ZNF782: variants seen among roughly 807,000 people sequenced by gnomAD.
ZNF782 encodes zinc finger protein 782.
A neutral mutation model predicts 13.0 loss-of-function variants in ZNF782; 12 were observed. The observed-to-expected ratio is 0.92, with a 90% CI of 0.59 to 1.50. The LOEUF (loss-of-function observed/expected upper bound fraction) is 1.50, where lower values mean the gene tolerates loss of function less well. Ranked by LOEUF, ZNF782 falls within the 40% of genes most tolerant of loss-of-function variation. The probability of loss-of-function intolerance (pLI) is 0.00; values close to 1 mark genes in which losing one functional copy is unlikely to be tolerated. For synonymous variants in ZNF782, 284 were observed against 283.0 expected, an observed-to-expected ratio of 1.00 and a Z score of -0.04; for missense variants, 770 against 822.9, an observed-to-expected ratio of 0.94 and a Z score of 0.79.
chr9:96,915,721 T>C, the ZNF782 span, among the ~76,000 whole-genome samples: 1 of 151,624 alleles, frequency 6.6e-6, no homozygotes, highest in Admixed American at 6.6e-5. Context: ...TCAGTAGTGC[T>C]CAGGGGACAT....
At chr9:96,912,272 C>CTTT in the ZNF782 span, among the ~76,000 whole-genome samples, 1 of 142,846 alleles carries the variant, frequency 7.0e-6, no homozygotes, top group African/African-American at 2.5e-5. Context: ...AATCTCAGGC[C>CTTT]TTTTTTTTTT....
intron 5 of ZNF782, among the ~76,000 whole-genome samples, chr9:96,824,105 A>G (rs1850518399): frequency 6.6e-6 from 1 of 151,796 alleles, no homozygotes; most frequent in Non-Finnish European, 1.5e-5. Context: ...CAACCAAAAA[A>G]GAGAATTTTA....
chr9:96,832,066 C>G (rs1475115261), intron 4 of ZNF782, among the ~76,000 whole-genome samples: 1 of 151,822 alleles, frequency 6.6e-6, no homozygotes, highest in African/African-American at 2.4e-5. Context: ...TTTCCCTGAT[C>G]TTCTCTCTTG....
At position 96,819,008 on chromosome 9, in the gene ZNF782, CAG is replaced by C. The variant is rs752929419; in HGVS notation, c.1013_1014del (p.Ser338Ter). 1 of 1,614,134 alleles carries C rather than the reference CAG, an allele frequency of 6.2e-7. No individual in the cohort carries two copies. Among genetic ancestry groups the C allele is most frequent in the African/African-American group, 1.3e-5 (1 of 75,042 alleles). On this transcript the variant is annotated frameshift_variant, in exon 6 of 6. Coordinates refer to ENST00000481138, the MANE Select transcript of ZNF782 (RefSeq NM_001001662.3). LOFTEE classifies it low-confidence loss of function (END_TRUNC). The part of the protein sequence containing the change: ...HQRTHATDKY[S>X]DYHPCTETFS... Reference sequence around the variant, plus strand: ...AATGTCTCTGTACATGGGTGATAATCAGAGTATTTATCTGTTGCATGAGTTCT... The same window carrying C: ...AATGTCTCTGTACATGGGTGATAATCAGTATTTATCTGTTGCATGAGTTCT...
upstream of ZNF782, among the ~76,000 whole-genome samples, chr9:96,878,278 G>T (rs1056970311): frequency 1.3e-5 from 2 of 152,218 alleles, no homozygotes; most frequent in African/African-American, 4.8e-5. Flanking sequence ...TCCAACTCCT[G>T]ACCTCAGGTG....
At chr9:96,901,508 G>C in the ZNF782 span, among the ~76,000 whole-genome samples, 2 of 151,686 alleles carry the variant, frequency 1.3e-5, no homozygotes, top group Non-Finnish European at 2.9e-5. Context: ...CTGACCTAAG[G>C]AGATCCTCCC....
the ZNF782 span, among the ~76,000 whole-genome samples, chr9:96,901,354 C>A: frequency 6.7e-6 from 1 of 148,628 alleles, no homozygotes; most frequent in African/African-American, 2.5e-5. Context: ...TCACTACAGC[C>A]TCTGCCTCCC....
At chr9:96,888,588 C>A in the ZNF782 span, 1 of 152,154 alleles carries the variant, frequency 6.6e-6, no homozygotes, top group Non-Finnish European at 1.5e-5. Context: ...TTTGCAGACT[C>A]CTTCCTTTGG....
intron 1 of ZNF782, among the ~76,000 whole-genome samples, chr9:96,864,712 T>C (rs1267749817): frequency 6.6e-6 from 1 of 152,024 alleles, no homozygotes; most frequent in African/African-American, 2.4e-5. Flanking sequence ...AGTGGTAAGA[T>C]TACTCTAGTT....
At chr9:96,831,049 G>A (rs1374682865) in intron 4 of ZNF782, among the ~76,000 whole-genome samples, 1 of 152,144 alleles carries the variant, frequency 6.6e-6, no homozygotes, top group Non-Finnish European at 1.5e-5. Context: ...AGGGACCTGT[G>A]AGACTATAAC....
At chr9:96,888,032 G>T in the ZNF782 span, 1 of 104,122 alleles carries the variant, frequency 9.6e-6, no homozygotes, top group Middle Eastern at 8.1e-3. Flanking sequence ...GTGGGGGGAG[G>T]GGGGAGGGAT....
At position 96,818,141 on chromosome 9, in the gene ZNF782, T is replaced by C. The variant is rs1850239106; in HGVS notation, c.1882A>G (p.Ser628Gly). ...YECNECGKAFSEKSVLRKHQR... is the reference protein window; with the variant it reads ...YECNECGKAFGEKSVLRKHQR... ...TGTTTTCTTAGGACTGACTTCTCAC[T>C]GAAAGCTTTTCCACATTCATTACAT... Residue 628 changes from serine to glycine, a missense_variant, in exon 6 of 6, where the codon AGT becomes GGT. Transcript: ENST00000481138. 2 of 1,613,982 alleles carry C rather than the reference T, an allele frequency of 1.2e-6. No individual in the cohort carries two copies. The highest frequency in any genetic ancestry group is 8.5e-7 in the Non-Finnish European group (1 of 1,179,998).
At position 96,818,030 on chromosome 9, in the gene ZNF782, G is replaced by C. The variant is rs1292528595; in HGVS notation, c.1993C>G (p.Gln665Glu). The change falls in exon 6 of 6, where the codon CAG becomes GAG. Residue 665 changes from glutamine (Q) to glutamate (E), a missense_variant. By Grantham distance (29) the Gln-to-Glu change is conservative. Coordinates refer to ENST00000481138, the MANE Select transcript of ZNF782 (RefSeq NM_001001662.3). ...FSQKSNLRVH[Q>E]RTHTGEKPYK... ...GGTTTCTCCCCTGTGTGAGTTCTCT[G>C]ATGTACTCTGAGATTGGATTTCTGA... 12 of 1,613,934 alleles carry C rather than the reference G, an allele frequency of 7.4e-6. No individual in the cohort carries two copies. The Admixed American group carries it at 2.0e-4, about 27-fold the overall frequency.
chr9:96,926,565 C>T, the ZNF782 span, among the ~76,000 whole-genome samples: 3 of 151,118 alleles, frequency 2.0e-5, no homozygotes, highest in East Asian at 2.2e-4. Flanking sequence ...GAGGACACTC[C>T]CCTCCCAGTG....
chr9:96,833,258 CTAA>C (rs1423497225), intron 4 of ZNF782, among the ~76,000 whole-genome samples: 1 of 148,608 alleles, frequency 6.7e-6, no homozygotes, highest in Non-Finnish European at 1.5e-5. Context: ...TTTTTCATAA[CTAA>C]TAATACTGAT....
At chr9:96,826,656 G>C (rs1385631268) in intron 5 of ZNF782, among the ~76,000 whole-genome samples, 1 of 152,154 alleles carries the variant, frequency 6.6e-6, no homozygotes, top group Non-Finnish European at 1.5e-5. Flanking sequence ...CCCTTGGCTG[G>C]CATCTAGAAA....
At chr9:96,901,912 A>T in the ZNF782 span, among the ~76,000 whole-genome samples, 1 of 150,268 alleles carries the variant, frequency 6.7e-6, no homozygotes. Context: ...TTTGACTTTT[A>T]AAATTATGAC....
the ZNF782 span, among the ~76,000 whole-genome samples, chr9:96,916,133 A>G: frequency 6.6e-6 from 1 of 151,988 alleles, no homozygotes; most frequent in South Asian, 2.1e-4. Flanking sequence ...TCCCTGAACA[A>G]CCAGTGAAAC....
chr9:96,819,468 T>G lies in ZNF782; in HGVS notation c.555A>C (p.Lys185Asn), dbSNP rs773673299. 18 of 1,614,024 alleles carry G rather than the reference T, an allele frequency of 1.1e-5. No homozygotes were observed. In the East Asian group the frequency reaches 4.0e-4, roughly 36 times the overall value. The change falls in exon 6 of 6, where the codon AAA becomes AAC. Residue 185 changes from lysine to asparagine, a missense_variant. Coordinates refer to ENST00000481138, the MANE Select transcript of ZNF782 (RefSeq NM_001001662.3). ...IKDGRTNTQE[K>N]SFAYSKIVKT... ...TCACAATTTTACTATAAGCGAAAGA[T>G]TTCTCTTGAGTGTTAGTTCTGCCAT...
Sources: allele counts gnomAD v4.1 joint callset (sites outside exome capture counted in the v4.1 genomes callset), GRCh38; gene constraint gnomAD v4.1.1; transcripts MANE v1.5; gene names NCBI Gene and HGNC (gene_info 2026-07-23, HGNC 2026-07-21).